Variants in SEM1 observed in about 807,000 individuals in gnomAD.
SEM1 encodes 26S proteasome complex subunit SEM1.
A neutral mutation model predicts 12.7 loss-of-function variants in SEM1; 3 were observed. The observed-to-expected ratio is 0.24, with a 90% confidence interval of 0.11 to 0.61. The LOEUF is 0.61. Among genes scored for constraint, SEM1 ranks in the 20% least tolerant of loss-of-function variants. SEM1 has a pLI of 0.88. For synonymous variants in SEM1, 30 were observed against 27.8 expected (o/e 1.08, Z -0.25); for missense variants, 59 against 81.3 (o/e 0.73, Z 1.06).
At chr7:96,705,806 C>T (rs1337003311) in intron 1 of SEM1, among the ~76,000 whole-genome samples, 5 of 148,710 alleles carry the variant, frequency 3.4e-5, no homozygotes, top group African/African-American at 9.9e-5. Context: ...GGTGACAGAG[C>T]GAGACTCTGT....
At chr7:96,489,838 G>T (rs184285129) in intron 1 of SEM1, among the ~76,000 whole-genome samples, 1 of 152,116 alleles carries the variant, frequency 6.6e-6, no homozygotes, top group Non-Finnish European at 1.5e-5. Context: ...ATGTCTGTGC[G>T]CCCTCTCCTC....
chr7:96,697,709 A>C (rs990667155), intron 1 of SEM1, among the ~76,000 whole-genome samples: 1 of 152,146 alleles, frequency 6.6e-6, no homozygotes, highest in Non-Finnish European at 1.5e-5. Flanking sequence ...AAAAATACTA[A>C]ATTGAACATT....
chr7:96,588,397 C>CGAGAGA (rs138208602), intron 2 of SEM1, among the ~76,000 whole-genome samples: 6 of 72,252 alleles, frequency 8.3e-5, no homozygotes, highest in African/African-American at 2.3e-4. Context: ...CACACACACA[C>CGAGAGA]GAGAGAGAGA....
chr7:96,570,740 C>T (rs375220079), intron 2 of SEM1, among the ~76,000 whole-genome samples: 47 of 152,054 alleles, frequency 3.1e-4, no homozygotes, highest in African/African-American at 1.0e-3. Flanking sequence ...TTGGGTCGAA[C>T]GGTATTTCTG....
chr7:96,561,401 T>A (rs897104138), intron 2 of SEM1, among the ~76,000 whole-genome samples: 1 of 152,160 alleles, frequency 6.6e-6, no homozygotes, highest in African/African-American at 2.4e-5. Context: ...CCTGCTCTAA[T>A]GGACATCCTG....
chr7:96,626,867 T>A (rs925955133), intron 2 of SEM1, among the ~76,000 whole-genome samples: 2 of 152,092 alleles, frequency 1.3e-5, no homozygotes, highest in African/African-American at 4.8e-5. Flanking sequence ...TTGGTATTAG[T>A]TCTTCTTTAA....
intron 1 of SEM1, chr7:96,697,143 T>C (rs1470688309): frequency 1.3e-5 from 2 of 151,218 alleles, no homozygotes; most frequent in African/African-American, 2.4e-5. Context: ...TTTGCTTCAA[T>C]GTGTATGCCT....
chr7:96,708,997 T>C (rs1316731938), intron 1 of SEM1, among the ~76,000 whole-genome samples: 1 of 152,206 alleles, frequency 6.6e-6, no homozygotes, highest in Non-Finnish European at 1.5e-5. Context: ...TTTATTTTTG[T>C]AGGGACAGGG....
intron 2 of SEM1, among the ~76,000 whole-genome samples, chr7:96,657,992 G>A (rs1584841133): frequency 1.3e-5 from 2 of 152,208 alleles, no homozygotes; most frequent in East Asian, 3.8e-4. Context: ...TCTTCCTCAT[G>A]AACGAGTCCA....
chr7:96,610,303 TG>T (rs1403480876), intron 2 of SEM1, among the ~76,000 whole-genome samples: 1 of 152,076 alleles, frequency 6.6e-6, no homozygotes, highest in East Asian at 1.9e-4. Flanking sequence ...TTCTCCATGT[TG>T]GTGAGGTCAG....
At chr7:96,587,557 C>T (rs146809503) in intron 2 of SEM1, among the ~76,000 whole-genome samples, 205 of 152,216 alleles carry the variant, frequency 1.3e-3, no homozygotes, top group Middle Eastern at 6.8e-3. Context: ...GCCTTGCTTC[C>T]GGTTGGTGCA....
intron 2 of SEM1, among the ~76,000 whole-genome samples, chr7:96,527,208 A>G (rs1804493863): frequency 6.6e-6 from 1 of 152,106 alleles, no homozygotes; most frequent in African/African-American, 2.4e-5. Flanking sequence ...AGGGAAAGGG[A>G]AAAAAATCCC....
intron 2 of SEM1, among the ~76,000 whole-genome samples, chr7:96,605,652 G>A (rs904275059): frequency 6.6e-6 from 1 of 152,032 alleles, no homozygotes; most frequent in Non-Finnish European, 1.5e-5. Context: ...CTATTTTTAT[G>A]CAGGATGGGA....
At position 96,659,923 on chromosome 7, in the gene SEM1, A is replaced by C. The variant is rs574216461; in HGVS notation, c.170+34875T>G. ...AAGAAAGTAAGATGGCAAAAAAAAAAAAAAAAACAAAAACAAGCCCAAATA... is the reference window on the plus strand; with the variant it reads ...AAGAAAGTAAGATGGCAAAAAAAAACAAAAAAACAAAAACAAGCCCAAATA... On this transcript the variant is annotated intron_variant, in intron 2 of 2. Coordinates refer to the SEM1 transcript ENST00000417009. 4.7e-5 allele frequency among the ~76,000 whole-genome samples: 7 copies of C among 148,374 alleles called. No homozygotes were observed. The South Asian group carries it at 1.2e-3, about 26-fold the overall frequency.
chr7:96,670,812 A>G (rs1789294514), downstream of SEM1, among the ~76,000 whole-genome samples: 1 of 152,188 alleles, frequency 6.6e-6, no homozygotes, highest in Non-Finnish European at 1.5e-5. Flanking sequence ...AGAGCATGCA[A>G]TGTGCCTGAT....
chr7:96,702,988 G>C (rs1790316445), intron 1 of SEM1, among the ~76,000 whole-genome samples: 1 of 152,176 alleles, frequency 6.6e-6, no homozygotes, highest in African/African-American at 2.4e-5. Flanking sequence ...GAAGACTAAA[G>C]AGACAGGACA....
intron 2 of SEM1, among the ~76,000 whole-genome samples, chr7:96,535,852 G>A (rs998423864): frequency 2.0e-5 from 3 of 151,962 alleles, no homozygotes; most frequent in East Asian, 3.9e-4. Context: ...TCTTTATTCA[G>A]TCTACCACTG....
At chr7:96,552,880 T>C (rs1282989671) in intron 2 of SEM1, among the ~76,000 whole-genome samples, 4 of 149,160 alleles carry the variant, frequency 2.7e-5, no homozygotes, top group African/African-American at 4.9e-5. Flanking sequence ...TTTTAATGAT[T>C]GCCATTCTAA....
At chr7:96,612,662 C>T (rs1807575085) in intron 2 of SEM1, among the ~76,000 whole-genome samples, 3 of 152,286 alleles carry the variant, frequency 2.0e-5, no homozygotes, top group African/African-American at 4.8e-5. Flanking sequence ...GAGTCTCGCT[C>T]TGTTGCCCAG....
Sources: gnomAD v4.1 joint callset for allele counts (sites outside exome capture counted in the v4.1 genomes callset) on GRCh38, gnomAD v4.1.1 for gene constraint, MANE v1.5 for transcripts, NCBI Gene and HGNC (gene_info 2026-07-23, HGNC 2026-07-21) for gene names.